The following PPP5C variants were observed in gnomAD, a reference collection of about 807,000 sequenced individuals.
PPP5C encodes the protein serine/threonine-protein phosphatase 5.
A neutral mutation model predicts 66.7 loss-of-function variants in PPP5C; 21 were observed. The ratio of observed to expected loss-of-function variants is 0.31; its 90% CI spans 0.22 to 0.45. The LOEUF (loss-of-function observed/expected upper bound fraction) is 0.45. Ranked by LOEUF, PPP5C falls within the 20% of genes least tolerant of loss-of-function variation. The probability of loss-of-function intolerance (pLI) is 1.00; values close to 1 mark genes in which losing one functional copy is unlikely to be tolerated. For missense variants in PPP5C, 464 were observed against 675.9 expected (o/e 0.69, Z 3.48); for synonymous variants, 246 against 257.4 (o/e 0.96, Z 0.43).
At position 46,376,701 on chromosome 19, in the gene PPP5C, G is replaced by A. The variant is rs778132536; in HGVS notation, c.633+127G>A. The A allele has an allele frequency of 4.3e-5, 57 of 1,336,270 alleles. No individual in the cohort carries two copies. The highest frequency in any genetic ancestry group is 6.4e-5 in the Admixed American group (3 of 47,168). 82.8% of individuals were successfully genotyped at this position (1,336,270 alleles called of 1,614,324 possible). A position where few individuals can be genotyped will look rare whatever the true frequency, so the allele number is the denominator to read the frequency against. On this transcript the variant is annotated intron_variant, in intron 4 of 12. Coordinates refer to ENST00000012443, the MANE Select transcript of PPP5C (RefSeq NM_006247.4). The surrounding 1 kb of genome is among the most constrained non-coding windows in gnomAD (Gnocchi z 5.1). ...TGACAGCCAACACCAAACAGGAGTCGTGTGCCGGACACTGTGCCGAGGGCT... is the reference window on the plus strand; with the variant it reads ...TGACAGCCAACACCAAACAGGAGTCATGTGCCGGACACTGTGCCGAGGGCT...
chr19:46,373,951 T>C (rs753680207), intron 2 of PPP5C, among the ~76,000 whole-genome samples: 2 of 151,940 alleles, frequency 1.3e-5, no homozygotes, highest in East Asian at 1.9e-4. Flanking sequence ...GCCGGGGACA[T>C]GAGTGGTCTG....
chr19:46,360,042 G>C (rs1972356581), intron 2 of PPP5C, among the ~76,000 whole-genome samples: 1 of 152,068 alleles, frequency 6.6e-6, no homozygotes, highest in South Asian at 2.1e-4. Flanking sequence ...GCCTCACAGA[G>C]TGCTGGGATT....
rs1286705256 is a variant in PPP5C at position 46,388,116 on chromosome 19, C to T, written c.1136-292C>T. ...TAGGGCAGTGCGGAGCCACCAAAGG[C>T]TTTGAGTGGGAGAGGGGCCTGATCT... is the stretch of plus-strand genomic sequence containing the variant. On this transcript the variant is annotated intron_variant, in intron 9 of 12. Transcript: ENST00000012443. This position sits in a 1 kb window ranked among gnomAD's most constrained non-coding sequence, Gnocchi z 4.9. 1 of 404,560 alleles carries T rather than the reference C, an allele frequency of 2.5e-6. No homozygotes were observed. The highest frequency in any genetic ancestry group is 3.8e-5 in the East Asian group (1 of 26,038). 25.1% of individuals were successfully genotyped at this position (404,560 alleles called of 1,614,324 possible). A position where few individuals can be genotyped will look rare whatever the true frequency, so the allele number is the denominator to read the frequency against.
In PPP5C at chr19:46,353,791, C is replaced by T. The variant is rs374930457; in HGVS notation, c.165C>T (p.Ile55=). The change falls in exon 2 of 13, where the codon ATC becomes ATT. Residue 55 remains isoleucine, a synonymous_variant. Transcript: ENST00000012443. ...ENAIKFYSQA[I]ELNPSNAIYY... The stretch of plus-strand genomic sequence containing the variant: ...CCATCAAGTTCTACAGCCAGGCCAT[C>T]GAGCTGAACCCCAGCAATGCCATCT... The T allele has an allele frequency of 9.3e-6, 15 of 1,614,000 alleles. No homozygotes were observed. Among genetic ancestry groups the T allele is most frequent in the African/African-American group, 8.0e-5 (6 of 74,940 alleles).
chr19:46,360,636 G>T (rs1972368036), intron 2 of PPP5C, among the ~76,000 whole-genome samples: 2 of 152,120 alleles, frequency 1.3e-5, no homozygotes, highest in African/African-American at 4.8e-5. Flanking sequence ...AAGTAGCTGG[G>T]ATTACAGGCA....
intron 2 of PPP5C, among the ~76,000 whole-genome samples, chr19:46,371,603 G>A (rs1972594085): frequency 6.6e-6 from 1 of 152,164 alleles, no homozygotes. Flanking sequence ...GCGGGTCCGA[G>A]TTTCTCGGCA....
chr19:46,376,469 C>T lies in PPP5C; in HGVS notation c.528C>T (p.Tyr176=). The change falls in exon 4 of 13, where the codon TAC becomes TAT. Residue 176 remains tyrosine (Y), a synonymous_variant. Transcript: ENST00000012443. This position sits in a 1 kb window ranked among gnomAD's most constrained non-coding sequence, Gnocchi z 5.1. ...ACACCCTAGCCATTGAGGATGAGTA[C>T]AGCGGACCCAAGCTTGAAGACGGCA... ...DIESMTIEDE[Y]SGPKLEDGKV... 1 of 1,613,684 alleles carries T rather than the reference C, an allele frequency of 6.2e-7. No individual in the cohort carries two copies. Among genetic ancestry groups the T allele is most frequent in the South Asian group, 1.1e-5 (1 of 91,070 alleles).
At position 46,390,478 on chromosome 19, in the gene PPP5C, A is replaced by AT; in HGVS notation, c.*134dup. On this transcript the variant is annotated 3_prime_UTR_variant, in exon 13 of 13. Coordinates refer to ENST00000012443, the MANE Select transcript of PPP5C (RefSeq NM_006247.4). ...CTTTTACTTTGTAAAGTTTGTATTTATTCCCCTTTAGGTTTGCAGAGGGGG... is the reference window on the plus strand; with the variant it reads ...CTTTTACTTTGTAAAGTTTGTATTTATTTCCCCTTTAGGTTTGCAGAGGGGG... 1.3e-6 allele frequency: 2 copies of AT among 1,505,392 alleles called. No homozygotes were observed. Among genetic ancestry groups the AT allele is most frequent in the Non-Finnish European group, 1.8e-6 (2 of 1,126,670 alleles). 93.3% of individuals were successfully genotyped at this position (1,505,392 alleles called of 1,614,324 possible). A position where few individuals can be genotyped will look rare whatever the true frequency, so the allele number is the denominator to read the frequency against.
rs1473515665 is a variant in PPP5C at position 46,388,966 on chromosome 19, C to T, written c.1355+235C>T. ...CCCCTGGCACTTCACCTTTCTCCCA[C>T]TGATTGCCCAGCACTTTTCAGAAGG... On this transcript the variant is annotated intron_variant, in intron 11 of 12. Transcript: ENST00000012443. The surrounding 1 kb of genome is among the most constrained non-coding windows in gnomAD (Gnocchi z 4.9). Among the ~76,000 whole-genome samples, 1 of 152,178 alleles carries T rather than the reference C, an allele frequency of 6.6e-6. No homozygotes were observed. The highest frequency in any genetic ancestry group is 1.5e-5 in the Non-Finnish European group (1 of 68,042).
intron 2 of PPP5C, among the ~76,000 whole-genome samples, chr19:46,363,520 C>T (rs1972437556): frequency 1.3e-5 from 2 of 151,324 alleles, no homozygotes; most frequent in South Asian, 2.1e-4. Context: ...ATCTCTGCCT[C>T]CCAGTTTCAA....
At position 46,369,741 on chromosome 19, in the gene PPP5C, G is replaced by C. The variant is rs371448841; in HGVS notation, c.364-5863G>C. On this transcript the variant is annotated intron_variant, in intron 2 of 12. Coordinates refer to ENST00000012443, the MANE Select transcript of PPP5C (RefSeq NM_006247.4). ...AGGAGTTCAGGACCAGCCTGGCCAA[G>C]ATGGTGAAACCCCATCTCTACTAAA... Among the ~76,000 whole-genome samples the C allele has an allele frequency of 4.0e-5, 6 of 150,848 alleles. No individual in the cohort carries two copies. The East Asian group carries it at 7.8e-4, about 20-fold the overall frequency.
chr19:46,387,845 G>A, intron 9 of PPP5C: 1 of 831,486 alleles, frequency 1.2e-6, no homozygotes, highest in Non-Finnish European at 1.6e-6. Context: ...TGGATTGGGT[G>A]GGCTGGTGCT....
At position 46,388,133 on chromosome 19, in the gene PPP5C, G is replaced by A. The variant is rs1014005045; in HGVS notation, c.1136-275G>A. ...ACCAAAGGCTTTGAGTGGGAGAGGG[G>A]CCTGATCTGAATAGTGACATTGAAA... On this transcript the variant is annotated intron_variant, in intron 9 of 12. Transcript: ENST00000012443. The surrounding 1 kb of genome is among the most constrained non-coding windows in gnomAD (Gnocchi z 4.9). The A allele has an allele frequency of 2.3e-6, 1 of 440,768 alleles. No homozygotes were observed. Among genetic ancestry groups the A allele is most frequent in the Non-Finnish European group, 4.1e-6 (1 of 245,320 alleles). The allele number at this position is 440,768 out of a possible 1,614,324, so 27.3% of individuals were successfully genotyped here. A position where few individuals can be genotyped will look rare whatever the true frequency, so the allele number is the denominator to read the frequency against.
intron 1 of PPP5C, among the ~76,000 whole-genome samples, chr19:46,352,439 G>GCTTA (rs942835011): frequency 2.0e-5 from 3 of 152,174 alleles, no homozygotes; most frequent in African/African-American, 7.2e-5. Context: ...CTGCCTCTGT[G>GCTTA]CTTACCCCTG....
At chr19:46,387,781 G>A (rs1972917224) in intron 9 of PPP5C, 3 of 1,242,744 alleles carry the variant, frequency 2.4e-6, no homozygotes, top group South Asian at 1.5e-5. Context: ...ACACTTCAGA[G>A]AGTTCACCCA....
chr19:46,388,859 A>AC lies in PPP5C; in HGVS notation c.1355+133dup. 1 of 1,167,792 alleles carries AC rather than the reference A, an allele frequency of 8.6e-7. No homozygotes were observed. Among genetic ancestry groups the AC allele is most frequent in the South Asian group, 1.5e-5 (1 of 65,052 alleles). The allele number at this position is 1,167,792 out of a possible 1,614,324, so 72.3% of individuals were successfully genotyped here. A position where few individuals can be genotyped will look rare whatever the true frequency, so the allele number is the denominator to read the frequency against. ...GAGCAGATAAAAGAACATGACGAAC[A>AC]CCCCCGTATGTGTCACCCACCCATG... On this transcript the variant is annotated intron_variant, in intron 11 of 12. Transcript: ENST00000012443. The surrounding 1 kb of genome is among the most constrained non-coding windows in gnomAD (Gnocchi z 4.9).
At chr19:46,349,561 G>A (rs1972146327) in intron 1 of PPP5C, among the ~76,000 whole-genome samples, 1 of 152,108 alleles carries the variant, frequency 6.6e-6, no homozygotes, top group Non-Finnish European at 1.5e-5. Flanking sequence ...GAGGCCAGAG[G>A]TAGAACCTTG....
At chr19:46,384,969 C>A in intron 7 of PPP5C, 60 bp downstream of exon 7, 2 of 1,273,706 alleles carry the variant, frequency 1.6e-6, no homozygotes, top group Non-Finnish European at 2.3e-6. Flanking sequence ...GGCACTCACT[C>A]TGCAAGGATA....
chr19:46,354,067 G>A, intron 2 of PPP5C, 78 bp downstream of exon 2: 1 of 1,541,524 alleles, frequency 6.5e-7, no homozygotes, highest in Non-Finnish European at 8.7e-7. Context: ...ACGGGTGTGA[G>A]GAGCCATTCA....
Sources: allele counts gnomAD v4.1 joint callset (sites outside exome capture counted in the v4.1 genomes callset), GRCh38; gene constraint gnomAD v4.1.1; non-coding constraint Gnocchi (gnomAD v3.1); transcripts MANE v1.5; gene names NCBI Gene and HGNC (gene_info 2026-07-23, HGNC 2026-07-21).